The following IFTAP variants were observed in gnomAD, a reference collection of about 807,000 sequenced individuals.
The protein encoded by IFTAP is intraflagellar transport-associated protein.
IFTAP carries 19 observed loss-of-function variants against 19.4 expected under a neutral mutation model. That is an observed-to-expected ratio of 0.98 (90% CI 0.68 to 1.44). The LOEUF (loss-of-function observed/expected upper bound fraction) is 1.44. Ranked by LOEUF, IFTAP falls within the 40% of genes most tolerant of loss-of-function variation. The probability of loss-of-function intolerance (pLI) is 0.00; values close to 1 mark genes in which losing one functional copy is unlikely to be tolerated. For missense variants in IFTAP, 240 were observed against 253.6 expected, an observed-to-expected ratio of 0.95 and a Z score of 0.36; for synonymous variants, 85 against 83.5, an observed-to-expected ratio of 1.02 and a Z score of -0.10.
chr11:36,650,831 T>TA (rs1361845411), intron 5 of IFTAP, among the ~76,000 whole-genome samples: 1 of 152,138 alleles, frequency 6.6e-6, no homozygotes, highest in Non-Finnish European at 1.5e-5. Context: ...TTGCGATAGT[T>TA]TGCTGAGAAT....
intron 1 of IFTAP, among the ~76,000 whole-genome samples, chr11:36,596,227 T>TG (rs1370839842): frequency 3.3e-5 from 5 of 150,890 alleles, no homozygotes; most frequent in East Asian, 1.9e-4. Flanking sequence ...TTTTTGTTTT[T>TG]TTTTTTTTTT....
chr11:36,621,515 A>G (rs1181793441), intron 2 of IFTAP, among the ~76,000 whole-genome samples: 1 of 151,810 alleles, frequency 6.6e-6, no homozygotes, highest in Non-Finnish European at 1.5e-5. Context: ...TCATTATATC[A>G]TTTTCATGTG....
intron 2 of IFTAP, among the ~76,000 whole-genome samples, chr11:36,618,298 C>G (rs1413497298): frequency 3.9e-5 from 6 of 151,948 alleles, no homozygotes; most frequent in South Asian, 2.1e-4. Flanking sequence ...AGACTATGGT[C>G]CTAATCAGAT....
chr11:36,659,044 T>G lies in IFTAP; in HGVS notation c.524T>G (p.Phe175Cys). The stretch of plus-strand genomic sequence containing the variant: ...ATACTTGGAGATGAAGTTCAACTTT[T>G]TTCACTTGATGAAGAATTTGATTAT... ...EEILGDEVQL[F>C]SLDEEFDYDN... Residue 175 changes from phenylalanine to cysteine, a missense_variant, in exon 6 of 6, where the codon TTT becomes TGT. Phe to Cys is a radical substitution (Grantham distance 205, BLOSUM62 -2). Transcript: ENST00000334307. The G allele has an allele frequency of 1.2e-6, 2 of 1,602,462 alleles. No homozygotes were observed. Among genetic ancestry groups the G allele is most frequent in the Non-Finnish European group, 1.7e-6 (2 of 1,174,808 alleles).
At chr11:36,655,329 G>A (rs985294167) in intron 5 of IFTAP, among the ~76,000 whole-genome samples, 10 of 152,128 alleles carry the variant, frequency 6.6e-5, no homozygotes, top group African/African-American at 2.4e-4. Context: ...GATATCACCT[G>A]TTCCAAGACG....
At chr11:36,642,975 C>T (rs1433248265) in intron 4 of IFTAP, among the ~76,000 whole-genome samples, 2 of 152,162 alleles carry the variant, frequency 1.3e-5, no homozygotes, top group Non-Finnish European at 2.9e-5. Context: ...TTTCACCACT[C>T]CCATTCAACA....
At chr11:36,600,579 C>G (rs1200709462) in intron 1 of IFTAP, among the ~76,000 whole-genome samples, 1 of 152,206 alleles carries the variant, frequency 6.6e-6, no homozygotes, top group African/African-American at 2.4e-5. Context: ...CTCCACGAAA[C>G]TAGTCTCTGG....
intron 2 of IFTAP, among the ~76,000 whole-genome samples, chr11:36,611,609 A>G (rs759968191): frequency 8.5e-5 from 13 of 152,116 alleles, no homozygotes; most frequent in Non-Finnish European, 1.5e-4. Context: ...AGAAAATATG[A>G]TTCTAACCTG....
intron 2 of IFTAP, among the ~76,000 whole-genome samples, chr11:36,621,109 T>G (rs1852273710): frequency 6.6e-6 from 1 of 152,000 alleles, no homozygotes; most frequent in Admixed American, 6.6e-5. Flanking sequence ...TCTCTTTAAC[T>G]TGAGACATTA....
intron 4 of IFTAP, among the ~76,000 whole-genome samples, chr11:36,644,181 G>T (rs865785580): frequency 3.9e-5 from 6 of 152,244 alleles, no homozygotes; most frequent in Non-Finnish European, 5.9e-5. Flanking sequence ...ATCAAAAAGT[G>T]AGCAAAGGAT....
intron 5 of IFTAP, among the ~76,000 whole-genome samples, chr11:36,654,548 T>C (rs1853893486): frequency 6.6e-6 from 1 of 152,080 alleles, no homozygotes; most frequent in Admixed American, 6.6e-5. Context: ...TGAGTTGGTG[T>C]TCCTTTGCAT....
chr11:36,616,584 A>T (rs1445821329), intron 2 of IFTAP, among the ~76,000 whole-genome samples: 3 of 151,992 alleles, frequency 2.0e-5, no homozygotes, highest in Admixed American at 6.6e-5. Context: ...AACACCGTTG[A>T]ATAGGTTTCA....
chr11:36,616,206 T>C lies in IFTAP; in HGVS notation c.136+5967T>C, dbSNP rs566728588. 1.9e-3 allele frequency among the ~76,000 whole-genome samples: 295 copies of C among 152,134 alleles called. 2 individuals carry two copies. Among genetic ancestry groups the C allele is most frequent in the Non-Finnish European group, 3.5e-3 (236 of 67,942 alleles). ...TCCAAGTGATTCTAGAGTTTTTATA[T>C]TGCCACATAATAACAGCTTTCTATT... On this transcript the variant is annotated intron_variant, in intron 2 of 5. Transcript: ENST00000334307.
intron 4 of IFTAP, among the ~76,000 whole-genome samples, chr11:36,641,740 T>C (rs1316154983): frequency 6.6e-6 from 1 of 152,218 alleles, no homozygotes; most frequent in African/African-American, 2.4e-5. Flanking sequence ...CTGAGAAGAA[T>C]GTATACTCTG....
intron 5 of IFTAP, among the ~76,000 whole-genome samples, chr11:36,653,059 C>G (rs1565033771): frequency 6.6e-6 from 1 of 152,044 alleles, no homozygotes; most frequent in Non-Finnish European, 1.5e-5. Context: ...TTAATAGGAG[C>G]TCTCCTGTTT....
At chr11:36,647,720 T>A (rs1853544988) in intron 4 of IFTAP, among the ~76,000 whole-genome samples, 1 of 151,998 alleles carries the variant, frequency 6.6e-6, no homozygotes, top group African/African-American at 2.4e-5. Flanking sequence ...AAAGTAGAAA[T>A]TGAGTTGAGA....
intron 5 of IFTAP, among the ~76,000 whole-genome samples, chr11:36,649,894 C>G (rs1013729080): frequency 2.0e-5 from 3 of 152,028 alleles, no homozygotes; most frequent in African/African-American, 7.2e-5. Flanking sequence ...GTTGAACATT[C>G]CTAATGGGAA....
chr11:36,636,267 C>A, intron 4 of IFTAP, 150 bp downstream of exon 4: 2 of 622,206 alleles, frequency 3.2e-6, no homozygotes, highest in South Asian at 2.1e-5. Context: ...TTTTCAGTAA[C>A]AAAAATTTCA....
In IFTAP at chr11:36,626,267, C is replaced by T. The variant is rs564939945; in HGVS notation, c.137-7017C>T. ...TTTGGCTTTGCAGTGAAATCCTCAC[C>T]CACGTACTTAATCATTTCTTTCGGA... On this transcript the variant is annotated intron_variant, in intron 2 of 5. Transcript: ENST00000334307. Among the ~76,000 whole-genome samples, 3 of 151,372 alleles carry T rather than the reference C, an allele frequency of 2.0e-5. No homozygotes were observed. The East Asian group carries it at 5.8e-4, about 29-fold the overall frequency.
Sources: gnomAD v4.1 joint callset for allele counts (sites outside exome capture counted in the v4.1 genomes callset) on GRCh38, gnomAD v4.1.1 for gene constraint, MANE v1.5 for transcripts, NCBI Gene and HGNC (gene_info 2026-07-23, HGNC 2026-07-21) for gene names.